ULK4: variants seen among roughly 807,000 people sequenced by gnomAD.
ULK4 encodes the protein unc-51 like kinase 4, also known as inactive serine/threonine-protein kinase ULK4.
Under a neutral mutation model 160.6 loss-of-function variants are expected in ULK4, and 133 were observed. That is an observed-to-expected ratio of 0.83 (90% CI 0.72 to 0.96). ULK4 has a LOEUF of 0.96. ULK4 is among the 40% of genes least tolerant of loss of function. The pLI is 0.00. For synonymous variants in ULK4, 534 were observed against 539.8 expected, an observed-to-expected ratio of 0.99 and a Z score of 0.15; for missense variants, 1,580 against 1,499.5, an observed-to-expected ratio of 1.05 and a Z score of -0.89.
At chr3:41,376,107 G>A (rs2125788725) in intron 35 of ULK4, among the ~76,000 whole-genome samples, 1 of 150,430 alleles carries the variant, frequency 6.6e-6, no homozygotes, top group Non-Finnish European at 1.5e-5. Flanking sequence ...CAGTTAGAAT[G>A]GCAATCATTA....
At chr3:41,953,291 T>TAC (rs1700358623) in intron 2 of ULK4, among the ~76,000 whole-genome samples, 1 of 100,498 alleles carries the variant, frequency 1.0e-5, no homozygotes, top group Non-Finnish European at 2.0e-5. Context: ...TACACATATA[T>TAC]ATATATATAT....
intron 34 of ULK4, among the ~76,000 whole-genome samples, chr3:41,455,098 G>A (rs2125871234): frequency 6.6e-6 from 1 of 152,144 alleles, no homozygotes; most frequent in South Asian, 2.1e-4. Context: ...GAGATTGAGG[G>A]GGTGGGCCCT....
chr3:41,747,333 C>T (rs772961151), intron 22 of ULK4, among the ~76,000 whole-genome samples: 11 of 151,826 alleles, frequency 7.2e-5, no homozygotes, highest in Non-Finnish European at 1.5e-4. Flanking sequence ...CACATTGGCT[C>T]CTGCATTCTT....
chr3:41,361,226 ATC>A (rs1157148914), intron 35 of ULK4, among the ~76,000 whole-genome samples: 1 of 152,146 alleles, frequency 6.6e-6, no homozygotes, highest in African/African-American at 2.4e-5. Context: ...TTCTCTCCTT[ATC>A]TGTTTCCTCA....
At chr3:41,800,458 T>C (rs956920487) in intron 19 of ULK4, among the ~76,000 whole-genome samples, 165 bp from the exon 20 acceptor site, 23 of 152,200 alleles carry the variant, frequency 1.5e-4, no homozygotes, top group African/African-American at 5.5e-4. Context: ...TATGAAACTA[T>C]TACAAATAAT....
At chr3:41,908,922 A>G (rs11717660) in intron 11 of ULK4, among the ~76,000 whole-genome samples, 123,425 of 151,718 alleles carry the variant, frequency 0.81, 54,552 homozygotes, top group Non-Finnish European at 0.98. Flanking sequence ...GCAAAACCCC[A>G]TCCCTACTAA....
At chr3:41,935,476 G>A (rs111419796) in intron 4 of ULK4, among the ~76,000 whole-genome samples, 19,084 of 151,642 alleles carry the variant, frequency 0.13, 1,378 homozygotes, top group Middle Eastern at 0.27. Context: ...TGATCCGCCC[G>A]CCTCAGCCTC....
At chr3:41,836,902 G>C (rs1170815666) in intron 17 of ULK4, among the ~76,000 whole-genome samples, 1 of 152,054 alleles carries the variant, frequency 6.6e-6, no homozygotes, top group Admixed American at 6.5e-5. Context: ...GATTAGGACA[G>C]AACAGTTTCG....
intron 16 of ULK4, among the ~76,000 whole-genome samples, chr3:41,890,248 AAG>A (rs1257071532): frequency 2.0e-5 from 3 of 152,228 alleles, no homozygotes; most frequent in African/African-American, 7.2e-5. Flanking sequence ...CTCAATAAAC[AAG>A]AGAAAGTGAG....
intron 32 of ULK4, among the ~76,000 whole-genome samples, chr3:41,515,695 C>T (rs150247836): frequency 1.6e-3 from 243 of 152,236 alleles, no homozygotes; most frequent in African/African-American, 5.3e-3. Flanking sequence ...TCTCATGAGA[C>T]GCACTCATTA....
chr3:41,733,833 C>G (rs977848390), intron 22 of ULK4, among the ~76,000 whole-genome samples: 50 of 146,964 alleles, frequency 3.4e-4, no homozygotes, highest in African/African-American at 1.3e-3. Context: ...CTCCCGGGTT[C>G]AAGCAATTCC....
Position 41,332,982 on chromosome 3 carries a change from T to C in ULK4, c.3678+65097A>G, listed in dbSNP as rs1404882219. 2.0e-5 allele frequency among the ~76,000 whole-genome samples: 3 copies of C among 152,224 alleles called. No individual in the cohort carries two copies. The East Asian group carries it at 5.8e-4, about 29-fold the overall frequency. On this transcript the variant is annotated intron_variant, in intron 35 of 36. Coordinates refer to ENST00000301831, the MANE Select transcript of ULK4 (RefSeq NM_017886.4). ...CATCTCATCTGAAACAAAGAACAAA[T>C]GTTTTTCCAACAAAGCATTGCACAG... is the stretch of plus-strand genomic sequence containing the variant.
chr3:41,810,017 C>G (rs17063297), intron 19 of ULK4, among the ~76,000 whole-genome samples: 10,676 of 152,188 alleles, frequency 0.07, 1,173 homozygotes, highest in African/African-American at 0.24. Flanking sequence ...AATTCTTGAT[C>G]ACATTCAGCT....
chr3:41,798,464 T>C (rs757702681), intron 20 of ULK4, among the ~76,000 whole-genome samples: 1 of 152,234 alleles, frequency 6.6e-6, no homozygotes, highest in Non-Finnish European at 1.5e-5. Context: ...ATCAATGTTA[T>C]ATATCCTTTC....
intron 27 of ULK4, among the ~76,000 whole-genome samples, chr3:41,700,034 A>G (rs1050602944): frequency 1.3e-5 from 2 of 152,206 alleles, no homozygotes; most frequent in African/African-American, 4.8e-5. Flanking sequence ...CCAGCAAGTC[A>G]TATCTTATTT....
At chr3:41,506,778 A>AAATATATATATATG (rs2085402906) in intron 32 of ULK4, among the ~76,000 whole-genome samples, 2 of 109,340 alleles carry the variant, frequency 1.8e-5, no homozygotes, top group Non-Finnish European at 3.7e-5. Flanking sequence ...ATATATATAT[A>AAATATATATATATG]TATATATATA....
chr3:41,879,887 C>T (rs1271286165), intron 17 of ULK4, among the ~76,000 whole-genome samples: 5 of 152,088 alleles, frequency 3.3e-5, no homozygotes, highest in Non-Finnish European at 7.4e-5. Context: ...GAGGCTGAGG[C>T]GGATGGATTA....
chr3:41,329,997 A>C (rs2125739459), intron 35 of ULK4, among the ~76,000 whole-genome samples: 1 of 152,340 alleles, frequency 6.6e-6, no homozygotes, highest in East Asian at 1.9e-4. Flanking sequence ...AATTGACCTT[A>C]TTCCACAGGC....
At chr3:41,957,969 G>A (rs188355251) in intron 1 of ULK4, among the ~76,000 whole-genome samples, 71 of 151,136 alleles carry the variant, frequency 4.7e-4, no homozygotes, top group African/African-American at 1.5e-3. Context: ...GCTTGAACCC[G>A]GGAGGCAGAG....
Sources: gnomAD v4.1 joint callset for allele counts (sites outside exome capture counted in the v4.1 genomes callset) on GRCh38, gnomAD v4.1.1 for gene constraint, MANE v1.5 for transcripts, NCBI Gene and HGNC (gene_info 2026-07-23, HGNC 2026-07-21) for gene names.